The following RYR3 variants were observed in gnomAD, a reference collection of about 807,000 sequenced individuals.
The protein encoded by RYR3 is ryanodine receptor 3, also known as brain ryanodine receptor-calcium release channel.
In RYR3, 207 loss-of-function variants were observed where a neutral mutation model predicts 584.3. That is an observed-to-expected ratio of 0.35 (90% CI 0.32 to 0.40). The LOEUF is 0.40. RYR3 is among the 10% of genes least tolerant of loss of function. The probability of loss-of-function intolerance (pLI) is 1.00; values close to 1 mark genes in which losing one functional copy is unlikely to be tolerated. For missense variants in RYR3, 5,616 were observed against 6,089.2 expected, an observed-to-expected ratio of 0.92 and a Z score of 2.59; for synonymous variants, 2,416 against 2,248.5, an observed-to-expected ratio of 1.07 and a Z score of -2.11.
chr15:33,400,498 C>T (rs558598113), intron 1 of RYR3, among the ~76,000 whole-genome samples: 1 of 152,296 alleles, frequency 6.6e-6, no homozygotes, highest in African/African-American at 2.4e-5. Flanking sequence ...CAGGTGAGCT[C>T]CTGTGTGATT....
At chr15:33,348,985 A>G (rs1972841615) in intron 1 of RYR3, among the ~76,000 whole-genome samples, 1 of 151,608 alleles carries the variant, frequency 6.6e-6, no homozygotes, top group Non-Finnish European at 1.5e-5. Flanking sequence ...ATAGTTTGCC[A>G]TTTCCGAAAG....
intron 60 of RYR3, among the ~76,000 whole-genome samples, chr15:33,765,430 C>T (rs1374252590): frequency 6.6e-6 from 1 of 151,786 alleles, no homozygotes; most frequent in Non-Finnish European, 1.5e-5. Flanking sequence ...GTCAGGAGTT[C>T]GAGACCAGCC....
chr15:33,419,752 C>T (rs1428663410), intron 1 of RYR3, among the ~76,000 whole-genome samples: 1 of 152,094 alleles, frequency 6.6e-6, no homozygotes, highest in Non-Finnish European at 1.5e-5. Flanking sequence ...ATGGTACCAA[C>T]TTGAATTTGT....
intron 95 of RYR3, 68 bp downstream of exon 95, chr15:33,853,155 C>G (rs916602197): frequency 4.6e-6 from 6 of 1,303,048 alleles, no homozygotes; most frequent in Middle Eastern, 1.9e-4. Flanking sequence ...TTTAAGTTCT[C>G]CACATACAAA....
intron 7 of RYR3, 50 bp from the exon 8 acceptor site, chr15:33,543,572 C>A (rs1219532500): frequency 1.7e-6 from 2 of 1,166,518 alleles, no homozygotes; most frequent in African/African-American, 3.0e-5. Context: ...ATATGCCATT[C>A]TCTTCATTAA....
intron 81 of RYR3, among the ~76,000 whole-genome samples, chr15:33,823,437 G>C (rs997025826): frequency 3.3e-5 from 5 of 152,208 alleles, no homozygotes; most frequent in Non-Finnish European, 7.4e-5. Context: ...AATGGAAAAG[G>C]GGGGATTCCT....
chr15:33,761,692 C>G (rs573736314), intron 60 of RYR3, among the ~76,000 whole-genome samples: 1 of 152,302 alleles, frequency 6.6e-6, no homozygotes, highest in South Asian at 2.1e-4. Flanking sequence ...GGAGCTGGTA[C>G]CATTTCTTCT....
intron 1 of RYR3, among the ~76,000 whole-genome samples, chr15:33,379,687 C>CTCTCTCTCTCTCTA: frequency 7.2e-5 from 9 of 125,498 alleles, no homozygotes; most frequent in African/African-American, 2.8e-4. Flanking sequence ...CTCTCTCTCT[C>CTCTCTCTCTCTCTA]TATATATATA....
At chr15:33,653,212 C>T (rs1385023828) in intron 32 of RYR3, among the ~76,000 whole-genome samples, 5 of 152,166 alleles carry the variant, frequency 3.3e-5, no homozygotes, top group African/African-American at 1.2e-4. Flanking sequence ...CTATTACCTG[C>T]ACTATACAAG....
chr15:33,794,812 T>A (rs2075494525), intron 67 of RYR3, among the ~76,000 whole-genome samples: 1 of 152,170 alleles, frequency 6.6e-6, no homozygotes, highest in South Asian at 2.1e-4. Context: ...TGGCTTTGAA[T>A]TATGGAATTG....
Position 33,629,930 on chromosome 15 carries a change from C to T in RYR3, c.2680-10C>T. The T allele has an allele frequency of 6.6e-7, 1 of 1,515,328 alleles. No homozygotes were observed. The highest frequency in any genetic ancestry group is 1.4e-5 in the African/African-American group (1 of 72,752). The allele number at this position is 1,515,328 out of a possible 1,614,324, so 93.9% of individuals were successfully genotyped here. A position where few individuals can be genotyped will look rare whatever the true frequency, so the allele number is the denominator to read the frequency against. ...ACTTAAATCACATTCTTTCTTATGT[C>T]ACCACCTAGATACGAGATGACAATA... On this transcript the variant is annotated splice_polypyrimidine_tract_variant and intron_variant, in intron 21 of 103. Transcript: ENST00000634891.
At chr15:33,358,969 G>A (rs1036950196) in intron 1 of RYR3, among the ~76,000 whole-genome samples, 3 of 152,128 alleles carry the variant, frequency 2.0e-5, no homozygotes, top group Admixed American at 6.5e-5. Flanking sequence ...AGTATTTTAA[G>A]TATTTTTCAG....
chr15:33,640,158 G>A (rs2061717776), intron 27 of RYR3, among the ~76,000 whole-genome samples: 1 of 152,206 alleles, frequency 6.6e-6, no homozygotes, highest in Non-Finnish European at 1.5e-5. Flanking sequence ...TCTGTTGGCA[G>A]CTTTTCAATA....
At chr15:33,779,760 T>C (rs1284958776) in intron 64 of RYR3, among the ~76,000 whole-genome samples, 1 of 151,958 alleles carries the variant, frequency 6.6e-6, no homozygotes, top group Non-Finnish European at 1.5e-5. Context: ...CCCAGCACTT[T>C]GGGAGGCCGA....
At chr15:33,586,159 C>T (rs764483681) in intron 16 of RYR3, 43 bp downstream of exon 16, 2 of 1,109,768 alleles carry the variant, frequency 1.8e-6, no homozygotes, top group Non-Finnish European at 2.8e-6. Flanking sequence ...CTGGTGTTTC[C>T]CTCCCCAATG....
rs557840015 is a variant in RYR3, at chr15:33,552,947, T to C, written c.972+2631T>C. On this transcript the variant is annotated intron_variant, in intron 10 of 103. Coordinates refer to ENST00000634891, the MANE Select transcript of RYR3 (RefSeq NM_001036.6). Reference sequence around the variant, plus strand: ...GTGACAATACCCAGCAGAAAGAGGTTTGGGGCTCTGTTTCTCAACAATGTA... The same window carrying C: ...GTGACAATACCCAGCAGAAAGAGGTCTGGGGCTCTGTTTCTCAACAATGTA... 3.9e-5 allele frequency among the ~76,000 whole-genome samples: 6 copies of C among 152,220 alleles called. No homozygotes were observed. In the South Asian group the frequency reaches 8.3e-4, roughly 21 times the overall value.
intron 49 of RYR3, 61 bp from the exon 50 acceptor site, chr15:33,738,389 T>C: frequency 6.6e-7 from 1 of 1,525,800 alleles, no homozygotes; most frequent in East Asian, 2.4e-5. Flanking sequence ...CTGCATGTTT[T>C]TGATGCCTGT....
At chr15:33,845,489 G>A (rs1025437109) in intron 93 of RYR3, among the ~76,000 whole-genome samples, 4 of 152,130 alleles carry the variant, frequency 2.6e-5, no homozygotes, top group African/African-American at 9.7e-5. Context: ...CCTGACCTCA[G>A]GTAATCCATC....
In RYR3 at chr15:33,860,673, AACT is replaced by A; in HGVS notation, c.14364+19_14364+21del. 5.2e-6 allele frequency: 8 copies of A among 1,549,534 alleles called. No individual in the cohort carries two copies. The highest frequency in any genetic ancestry group is 7.1e-6 in the Non-Finnish European group (8 of 1,134,406). On this transcript the variant is annotated intron_variant, in intron 101 of 103. Coordinates refer to ENST00000634891, the MANE Select transcript of RYR3 (RefSeq NM_001036.6). Reference sequence around the variant, plus strand: ...GAAGATATGGAGGTAATGTTACTCTAACTACTAATCCCAGCTCTATTTTAATAT... The same window carrying A: ...GAAGATATGGAGGTAATGTTACTCTAACTAATCCCAGCTCTATTTTAATAT...
Sources: allele counts gnomAD v4.1 joint callset (sites outside exome capture counted in the v4.1 genomes callset), GRCh38; gene constraint gnomAD v4.1.1; transcripts MANE v1.5; gene names NCBI Gene and HGNC (gene_info 2026-07-23, HGNC 2026-07-21).